Variants in PCCA observed in about 807,000 individuals in gnomAD.
PCCA encodes the protein propionyl-CoA carboxylase subunit alpha.
PCCA carries 74 observed loss-of-function variants against 101.3 expected under a neutral mutation model. The ratio of observed to expected loss-of-function variants is 0.73; its 90% CI spans 0.61 to 0.89. PCCA has a LOEUF of 0.89. PCCA is among the 40% of genes least tolerant of loss of function. The pLI, the probability that PCCA is intolerant of heterozygous loss-of-function variation, is 0.00. For missense variants in PCCA, 891 were observed against 907.0 expected, an observed-to-expected ratio of 0.98 and a Z score of 0.23; for synonymous variants, 294 against 313.6, an observed-to-expected ratio of 0.94 and a Z score of 0.66.
Position 100,383,503 on chromosome 13 carries a change from A to G in PCCA, c.1746+14929A>G, listed in dbSNP as rs545775607. Among the ~76,000 whole-genome samples, 4 of 152,014 alleles carry G rather than the reference A, an allele frequency of 2.6e-5. No homozygotes were observed. The East Asian group carries it at 7.9e-4, about 30-fold the overall frequency. On this transcript the variant is annotated intron_variant, in intron 19 of 23. Transcript: ENST00000376285. ...TACACGCCTGTAGCCTCAGCTACTC[A>G]GGAGGCCCAAGGGGGAAGATGCTTT...
intron 6 of PCCA, among the ~76,000 whole-genome samples, chr13:100,158,301 A>G (rs1477501827): frequency 6.6e-6 from 1 of 152,164 alleles, no homozygotes; most frequent in Non-Finnish European, 1.5e-5. Flanking sequence ...GCATAACTGT[A>G]CTCGTATTCT....
chr13:100,346,028 C>T (rs1261391156), intron 18 of PCCA, among the ~76,000 whole-genome samples: 1 of 152,022 alleles, frequency 6.6e-6, no homozygotes, highest in Non-Finnish European at 1.5e-5. Flanking sequence ...ATTGACAGTG[C>T]ACCTGGTCAC....
intron 19 of PCCA, among the ~76,000 whole-genome samples, chr13:100,371,659 A>G (rs181688512): frequency 1.7e-3 from 256 of 152,306 alleles, no homozygotes; most frequent in Non-Finnish European, 3.5e-4. Context: ...AGAACCCCCA[A>G]ATACATTTTG....
chr13:100,177,034 T>C (rs2056304979), intron 6 of PCCA, among the ~76,000 whole-genome samples: 3 of 152,228 alleles, frequency 2.0e-5, no homozygotes, highest in Admixed American at 2.0e-4. Context: ...TGTTTAACTG[T>C]CCAAGCTGTC....
At chr13:100,232,284 C>CT (rs1267997025) in intron 7 of PCCA, among the ~76,000 whole-genome samples, 1 of 151,608 alleles carries the variant, frequency 6.6e-6, no homozygotes, top group Non-Finnish European at 1.5e-5. Context: ...TTCCCTCTGT[C>CT]TAATGTTCTT....
chr13:100,322,563 T>C (rs2068181500), intron 16 of PCCA, among the ~76,000 whole-genome samples: 1 of 151,878 alleles, frequency 6.6e-6, no homozygotes, highest in African/African-American at 2.4e-5. Context: ...CAATTTTCTT[T>C]TTTTTAATTT....
At chr13:100,211,231 C>A (rs1266555174) in intron 7 of PCCA, among the ~76,000 whole-genome samples, 1 of 152,218 alleles carries the variant, frequency 6.6e-6, no homozygotes, top group East Asian at 1.9e-4. Flanking sequence ...ATTCGTAAAG[C>A]ACCATCACCC....
chr13:100,381,741 G>A lies in PCCA; in HGVS notation c.1746+13167G>A, dbSNP rs926561496. Among the ~76,000 whole-genome samples, 19 of 152,344 alleles carry A rather than the reference G, an allele frequency of 1.2e-4. 1 individual carries two copies. The highest frequency in any genetic ancestry group is 4.6e-4 in the African/African-American group (19 of 41,580). On this transcript the variant is annotated intron_variant, in intron 19 of 23. Coordinates refer to ENST00000376285, the MANE Select transcript of PCCA (RefSeq NM_000282.4). ...ACTCCTTGTGGGAGGGAGCACACGA[G>A]CGAAGGAGGCGGGAACTGTAGTGCA...
chr13:100,355,096 A>G (rs372820901), intron 18 of PCCA, among the ~76,000 whole-genome samples: 3 of 152,196 alleles, frequency 2.0e-5, no homozygotes, highest in Non-Finnish European at 4.4e-5. Flanking sequence ...GAATATATAC[A>G]GTGATATACA....
At chr13:100,466,356 A>G (rs1457056627) in intron 21 of PCCA, among the ~76,000 whole-genome samples, 2 of 152,212 alleles carry the variant, frequency 1.3e-5, no homozygotes, top group Non-Finnish European at 2.9e-5. Context: ...GATGCCTGAC[A>G]AGACACGTAG....
intron 12 of PCCA, among the ~76,000 whole-genome samples, chr13:100,280,820 A>T (rs1331140600): frequency 6.6e-6 from 1 of 152,180 alleles, no homozygotes; most frequent in African/African-American, 2.4e-5. Flanking sequence ...ATCTCACACC[A>T]TCCTGCTCCA....
intron 18 of PCCA, among the ~76,000 whole-genome samples, chr13:100,345,992 A>T (rs966433103): frequency 6.0e-5 from 9 of 150,992 alleles, no homozygotes; most frequent in South Asian, 2.1e-4. Context: ...AAAAAAAAAA[A>T]TTTTTTTTTC....
chr13:100,172,653 G>C (rs1265201828), intron 6 of PCCA, among the ~76,000 whole-genome samples: 1 of 152,178 alleles, frequency 6.6e-6, no homozygotes, highest in Non-Finnish European at 1.5e-5. Flanking sequence ...TAAAATAAGA[G>C]TACAAGCAAA....
At chr13:100,188,994 C>T (rs796804500) in intron 6 of PCCA, among the ~76,000 whole-genome samples, 18 of 152,070 alleles carry the variant, frequency 1.2e-4, no homozygotes, top group African/African-American at 4.1e-4. Flanking sequence ...CCCATCAACC[C>T]GTCAGCTACA....
At chr13:100,118,808 C>T (rs1158639554) in intron 4 of PCCA, among the ~76,000 whole-genome samples, 1 of 152,086 alleles carries the variant, frequency 6.6e-6, no homozygotes, top group South Asian at 2.1e-4. Flanking sequence ...CTTGGCCTCC[C>T]AAAGTGCTAG....
intron 5 of PCCA, among the ~76,000 whole-genome samples, chr13:100,157,000 G>C (rs1338640690): frequency 2.0e-5 from 3 of 152,214 alleles, no homozygotes; most frequent in Admixed American, 2.0e-4. Flanking sequence ...TGGGCAGGAA[G>C]CTATGTGGGC....
chr13:100,436,897 C>T (rs1290616887), intron 20 of PCCA, among the ~76,000 whole-genome samples: 3 of 152,150 alleles, frequency 2.0e-5, no homozygotes, highest in South Asian at 4.1e-4. Flanking sequence ...GGCTGGTGGA[C>T]CTCTCTTGAT....
chr13:100,174,005 T>C (rs2055983866), intron 6 of PCCA, among the ~76,000 whole-genome samples: 1 of 152,270 alleles, frequency 6.6e-6, no homozygotes, highest in African/African-American at 2.4e-5. Flanking sequence ...TCTTTATAAA[T>C]TACCCAGTTG....
intron 12 of PCCA, among the ~76,000 whole-genome samples, chr13:100,291,141 T>C (rs2065085261): frequency 6.6e-6 from 1 of 152,166 alleles, no homozygotes; most frequent in Non-Finnish European, 1.5e-5. Context: ...GGCTGGGTGT[T>C]GTGGCTCATG....
Sources: allele counts gnomAD v4.1 joint callset (sites outside exome capture counted in the v4.1 genomes callset), GRCh38; gene constraint gnomAD v4.1.1; transcripts MANE v1.5; gene names NCBI Gene and HGNC (gene_info 2026-07-23, HGNC 2026-07-21).